The following FAM107A variants were observed in gnomAD, a reference collection of about 807,000 sequenced individuals.
FAM107A encodes the protein actin-associated protein FAM107A.
A neutral mutation model predicts 13.7 loss-of-function variants in FAM107A; 19 were observed. That is an observed-to-expected ratio of 1.38 (90% CI 0.97 to 2.03). FAM107A has a LOEUF of 2.03. Ranked by LOEUF, FAM107A falls within the 30% of genes most tolerant of loss-of-function variation. FAM107A has a pLI of 0.00. For missense variants in FAM107A, 203 were observed against 184.4 expected, an observed-to-expected ratio of 1.10 and a Z score of -0.58; for synonymous variants, 82 against 74.5, an observed-to-expected ratio of 1.10 and a Z score of -0.52.
chr3:58,567,404 T>C (rs760398629), intron 2 of FAM107A, 40 bp from the exon 3 acceptor site: 3 of 1,576,012 alleles, frequency 1.9e-6, no homozygotes, highest in Non-Finnish European at 1.7e-6. Context: ...GACCATCACC[T>C]TCCCGCTTCC....
rs1417553171 is a variant in FAM107A at position 58,569,303 on chromosome 3, C to A, written c.170+388G>T. Among the ~76,000 whole-genome samples the A allele has an allele frequency of 6.6e-6, 1 of 152,178 alleles. No homozygotes were observed. Among genetic ancestry groups the A allele is most frequent in the Non-Finnish European group, 1.5e-5 (1 of 68,024 alleles). On this transcript the variant is annotated intron_variant, in intron 2 of 3. Transcript: ENST00000360997. This position sits in a 1 kb window ranked among gnomAD's most constrained non-coding sequence, Gnocchi z 5.7. Reference sequence around the variant, plus strand: ...CTCTGGGGTCTCAGGCCTATTTATGCCCTCATCAATGCACCCATCCTACTG... The same window carrying A: ...CTCTGGGGTCTCAGGCCTATTTATGACCTCATCAATGCACCCATCCTACTG...
At chr3:58,606,004 A>G (rs6803969) in intron 1 of FAM107A, among the ~76,000 whole-genome samples, 4 of 151,822 alleles carry the variant, frequency 2.6e-5, no homozygotes, top group African/African-American at 7.3e-5. Flanking sequence ...CTACATCCCA[A>G]CTCCACTGTA....
upstream of FAM107A, among the ~76,000 whole-genome samples, chr3:58,580,769 T>C (rs1405196941): frequency 6.6e-5 from 10 of 152,092 alleles, no homozygotes; most frequent in Non-Finnish European, 1.5e-4. Flanking sequence ...TTGAGGACCA[T>C]TGTTCTACAG....
intron 1 of FAM107A, among the ~76,000 whole-genome samples, chr3:58,597,385 A>T (rs1281250155): frequency 1.3e-5 from 2 of 152,120 alleles, no homozygotes; most frequent in African/African-American, 4.8e-5. Flanking sequence ...GGGAGGAGGG[A>T]GGTGTTAGCA....
At chr3:58,586,962 C>A (rs1182561299) in exon 1 of FAM107A, 36 of 1,513,424 alleles carry the variant, frequency 2.4e-5, no homozygotes, top group Non-Finnish European at 3.2e-5. Flanking sequence ...ACTGCAGAGC[C>A]AGCACTGCTG....
chr3:58,593,124 G>C lies in FAM107A; in HGVS notation c.-69-3855C>G, dbSNP rs146455284. ...CCTCCCCATTGGGTTCACCGTTCCA[G>C]AATAAAGCTGTGTCCATTGGACAGC... On this transcript the variant is annotated intron_variant, in intron 1 of 3. Transcript: ENST00000465970. 9.8e-3 allele frequency among the ~76,000 whole-genome samples: 1,494 copies of C among 152,224 alleles called. 24 individuals carry two copies. Among genetic ancestry groups the C allele is most frequent in the South Asian group, 0.05 (240 of 4,820 alleles).
Position 58,627,054 on chromosome 3 carries a change from C to A in FAM107A, c.-70+362G>T, listed in dbSNP as rs2066025295. The A allele has an allele frequency of 2.6e-6, 4 of 1,515,008 alleles. No individual in the cohort carries two copies. The East Asian group carries it at 9.8e-5, about 37-fold the overall frequency. 93.8% of individuals were successfully genotyped at this position (1,515,008 alleles called of 1,614,324 possible). A position where few individuals can be genotyped will look rare whatever the true frequency, so the allele number is the denominator to read the frequency against. ...AGGGGCCAGGCTGGGGTCCTCCCTG[C>A]TGGCGTTGATCTCAGGAGCCAGGAC... On this transcript the variant is annotated intron_variant, in intron 1 of 3. Transcript: ENST00000465970.
chr3:58,626,930 C>A (rs1268860993), intron 1 of FAM107A: 1 of 1,533,846 alleles, frequency 6.5e-7, no homozygotes, highest in Non-Finnish European at 8.7e-7. Context: ...AGTCTCCCTT[C>A]CCATGACCAG....
chr3:58,588,416 G>A (rs556934480), upstream of FAM107A, among the ~76,000 whole-genome samples: 56 of 152,326 alleles, frequency 3.7e-4, no homozygotes, highest in African/African-American at 1.2e-3. Flanking sequence ...CTCTGACTCA[G>A]GGGTCCTGTA....
Position 58,569,812 on chromosome 3 carries a change from C to T in FAM107A, c.49G>A (p.Ala17Thr), listed in dbSNP as rs748040936. ...RERADIGGLM[A>T]RPEYREWNPE... ...TTCCACTCTCTGTATTCTGGCCGGGCCATCAGGCCCCCAATGTCTGCCCGC... is the reference window on the plus strand; with the variant it reads ...TTCCACTCTCTGTATTCTGGCCGGGTCATCAGGCCCCCAATGTCTGCCCGC... Residue 17 changes from alanine (A) to threonine (T), a missense_variant, in exon 2 of 4, where the codon GCC (alanine) becomes ACC (threonine). By Grantham distance (58) the Ala-to-Thr change is moderately conservative. Transcript: ENST00000360997. The surrounding 1 kb of genome is among the most constrained non-coding windows in gnomAD (Gnocchi z 5.7). 5.6e-6 allele frequency: 9 copies of T among 1,614,146 alleles called. No individual in the cohort carries two copies. Among genetic ancestry groups the T allele is most frequent in the Non-Finnish European group, 2.5e-6 (3 of 1,180,022 alleles).
intron 1 of FAM107A, among the ~76,000 whole-genome samples, chr3:58,601,872 C>A (rs62250285): frequency 6.6e-6 from 1 of 152,164 alleles, no homozygotes; most frequent in Admixed American, 6.5e-5. Context: ...CTGATATTTT[C>A]GTTAAGCAGA....
chr3:58,566,600 C>G lies in FAM107A; in HGVS notation c.423G>C (p.Glu141Asp), dbSNP rs747497297. 1.9e-6 allele frequency: 3 copies of G among 1,613,496 alleles called. No individual in the cohort carries two copies. The highest frequency in any genetic ancestry group is 2.5e-6 in the Non-Finnish European group (3 of 1,179,680). ...LRRIATLTSE[E>D]REL is the part of the protein sequence containing the mutation. ...CCGGCAGCTGGCCCTACAGCTCTCT[C>G]TCTTCGCTGGTCAGTGTGGCAATTC... The change falls in exon 4 of 4, where the codon GAG (glutamate) becomes GAC (aspartate). Residue 141 changes from glutamate to aspartate, a missense_variant. Transcript: ENST00000360997.
upstream of FAM107A, among the ~76,000 whole-genome samples, chr3:58,578,401 C>T (rs1054065075): frequency 6.6e-6 from 1 of 152,218 alleles, no homozygotes; most frequent in Non-Finnish European, 1.5e-5. Context: ...AACCCTGTCT[C>T]TACTAAAAAT....
At position 58,613,495 on chromosome 3, in the gene FAM107A, C is replaced by T. The variant is rs75618825; in HGVS notation, c.-70+13921G>A. ...TCACCCCTCATCCTGCCCTGCCCAG[C>T]CCCTGCCTGCTGCTCTGGCCTGACC... On this transcript the variant is annotated intron_variant, in intron 1 of 3. Transcript: ENST00000465970. This position sits in a 1 kb window ranked among gnomAD's most constrained non-coding sequence, Gnocchi z 4.6. Among the ~76,000 whole-genome samples the T allele has an allele frequency of 4.5e-3, 692 of 152,306 alleles. 4 individuals are homozygous for T. Among genetic ancestry groups the T allele is most frequent in the Non-Finnish European group, 7.9e-3 (535 of 68,016 alleles).
intron 1 of FAM107A, among the ~76,000 whole-genome samples, chr3:58,585,600 C>T (rs1335062194): frequency 6.6e-6 from 1 of 152,230 alleles, no homozygotes; most frequent in African/African-American, 2.4e-5. Context: ...TTGGCTCCAG[C>T]GGTCGGCAGG....
intron 1 of FAM107A, among the ~76,000 whole-genome samples, chr3:58,621,823 C>T (rs1386252707): frequency 6.6e-6 from 1 of 152,222 alleles, no homozygotes; most frequent in African/African-American, 2.4e-5. Context: ...TGCAATGTGC[C>T]TGGCCTGCCC....
At chr3:58,570,386 C>G in intron 1 of FAM107A, 3 of 984,936 alleles carry the variant, frequency 3.0e-6, no homozygotes, top group Non-Finnish European at 3.6e-6. Context: ...TTCTTCACAT[C>G]AAAGAGGAGA....
upstream of FAM107A, among the ~76,000 whole-genome samples, chr3:58,591,910 C>T (rs2065657299): frequency 6.6e-6 from 1 of 152,158 alleles, no homozygotes; most frequent in African/African-American, 2.4e-5. The surrounding 1 kb of genome is among the most constrained non-coding windows in gnomAD (Gnocchi z 4.3). Flanking sequence ...TGAGGGAATG[C>T]AGCCACATAA....
At chr3:58,621,931 T>C (rs914182838) in intron 1 of FAM107A, among the ~76,000 whole-genome samples, 9 of 152,184 alleles carry the variant, frequency 5.9e-5, no homozygotes, top group Admixed American at 5.9e-4. Context: ...ACCTGTGAAA[T>C]GGGCATGAGA....
Sources: allele counts gnomAD v4.1 joint callset (sites outside exome capture counted in the v4.1 genomes callset), GRCh38; gene constraint gnomAD v4.1.1; non-coding constraint Gnocchi (gnomAD v3.1); transcripts MANE v1.5; gene names NCBI Gene and HGNC (gene_info 2026-07-23, HGNC 2026-07-21).